NEIL1: variants seen among roughly 807,000 people sequenced by gnomAD.
NEIL1 encodes nei like DNA glycosylase 1, also known as endonuclease 8-like 1.
NEIL1 carries 31 observed loss-of-function variants against 44.2 expected under a neutral mutation model. That is an observed-to-expected ratio of 0.70 (90% CI 0.53 to 0.95). The LOEUF (loss-of-function observed/expected upper bound fraction) is 0.95. Ranked by LOEUF, NEIL1 falls within the 40% of genes least tolerant of loss-of-function variation. The pLI, the probability that NEIL1 is intolerant of heterozygous loss-of-function variation, is 0.00. For synonymous variants in NEIL1, 254 were observed against 209.7 expected, an observed-to-expected ratio of 1.21 and a Z score of -1.83; for missense variants, 549 against 515.5, an observed-to-expected ratio of 1.07 and a Z score of -0.63.
chr15:75,356,690 G>A lies in NEIL1; in HGVS notation c.*1656G>A, dbSNP rs1317642690. On this transcript the variant is annotated 3_prime_UTR_variant, in exon 10 of 10. Coordinates refer to ENST00000355059, the MANE Select transcript of NEIL1 (RefSeq NM_024608.4). The surrounding 1 kb of genome is among the most constrained non-coding windows in gnomAD (Gnocchi z 5.8). The stretch of plus-strand genomic sequence containing the variant: ...GGGGCTTTAGGCGCCCGCAAGCTGG[G>A]GTGAGGAGGGCGCGTAGGGGCCACG... The A allele has an allele frequency of 6.2e-7, 1 of 1,601,758 alleles. No homozygotes were observed.
chr15:75,349,304 C>T lies in NEIL1; in HGVS notation c.399C>T (p.Arg133=), dbSNP rs1305819493. Residue 133 remains arginine (R), a synonymous_variant, in exon 2 of 10, where the codon CGC becomes CGT. Transcript: ENST00000355059. ...TTGGGGGAAAGTGGCAGCCGGGCCGCGGGCCCTGTGTCTTGCAGGAGTACC... is the reference window on the plus strand; with the variant it reads ...TTGGGGGAAAGTGGCAGCCGGGCCGTGGGCCCTGTGTCTTGCAGGAGTACC... ...WDLGGKWQPG[R]GPCVLQEYQQ... is the part of the protein sequence containing the mutation. 1.9e-6 allele frequency: 3 copies of T among 1,610,546 alleles called. No homozygotes were observed. The highest frequency in any genetic ancestry group is 1.7e-6 in the Non-Finnish European group (2 of 1,179,026).
In NEIL1 at chr15:75,356,243, G is replaced by A; in HGVS notation, c.*1209G>A. 6.2e-7 allele frequency: 1 copy of A among 1,612,328 alleles called. No homozygotes were observed. Among genetic ancestry groups the A allele is most frequent in the Non-Finnish European group, 8.5e-7 (1 of 1,179,434 alleles). ...GCCTGCAGAGGAACACGTCTGGTGGGAGGGGCCGAGGGCAGGCCCAGTTCG... is the reference window on the plus strand; with the variant it reads ...GCCTGCAGAGGAACACGTCTGGTGGAAGGGGCCGAGGGCAGGCCCAGTTCG... On this transcript the variant is annotated 3_prime_UTR_variant, in exon 10 of 10. Transcript: ENST00000355059. This position sits in a 1 kb window ranked among gnomAD's most constrained non-coding sequence, Gnocchi z 5.8.
In NEIL1 at chr15:75,356,941, C is replaced by G; in HGVS notation, c.*1907C>G. 1 of 1,554,726 alleles carries G rather than the reference C, an allele frequency of 6.4e-7. No homozygotes were observed. The highest frequency in any genetic ancestry group is 8.9e-7 in the Non-Finnish European group (1 of 1,127,428). ...CCAAGACCCACTTGGTGGCCCTGTG[C>G]CCCTCTTTGTGCTCCCAGACTCCAG... is the stretch of plus-strand genomic sequence containing the variant. On this transcript the variant is annotated 3_prime_UTR_variant, in exon 10 of 10. Coordinates refer to ENST00000355059, the MANE Select transcript of NEIL1 (RefSeq NM_024608.4). The surrounding 1 kb of genome is among the most constrained non-coding windows in gnomAD (Gnocchi z 5.8).
rs775771515 is a variant in NEIL1 at position 75,356,842 on chromosome 15, C to T, written c.*1808C>T. On this transcript the variant is annotated 3_prime_UTR_variant, in exon 10 of 10. Coordinates refer to ENST00000355059, the MANE Select transcript of NEIL1 (RefSeq NM_024608.4). The surrounding 1 kb of genome is among the most constrained non-coding windows in gnomAD (Gnocchi z 5.8). ...CGCACTGACGCGCCATACTTGCAGT[C>T]GTTGAGCAGGGCCAGCCCAAAGCCG... The T allele has an allele frequency of 1.5e-5, 25 of 1,614,004 alleles. No homozygotes were observed. The highest frequency in any genetic ancestry group is 1.3e-4 in the Admixed American group (8 of 60,010).
intron 5 of NEIL1, 148 bp from the exon 6 acceptor site, chr15:75,353,591 A>G: frequency 1.2e-6 from 1 of 863,234 alleles, no homozygotes; most frequent in Non-Finnish European, 2.0e-6. Flanking sequence ...AAACCAGCTG[A>G]GGTCACATCA....
rs370282759 is a variant in NEIL1 at position 75,353,878 on chromosome 15, C to G, written c.846+12C>G. ...CCATCTGGTTCCAGGTTGGGCCCTACTGTTCACACAGGCAGAGACCCCAGG... is the reference window on the plus strand; with the variant it reads ...CCATCTGGTTCCAGGTTGGGCCCTAGTGTTCACACAGGCAGAGACCCCAGG... On this transcript the variant is annotated intron_variant, in intron 6 of 9. Coordinates refer to ENST00000355059, the MANE Select transcript of NEIL1 (RefSeq NM_024608.4). 1.8e-4 allele frequency: 290 copies of G among 1,612,172 alleles called. No individual in the cohort carries two copies. Among genetic ancestry groups the G allele is most frequent in the Middle Eastern group, 8.5e-4 (4 of 4,716 alleles).
chr15:75,348,319 G>T (rs946931965), intron 1 of NEIL1: 1 of 985,894 alleles, frequency 1.0e-6, no homozygotes, highest in African/African-American at 1.7e-5. Context: ...GCCGAGCTTC[G>T]CTCTTTCCCT....
chr15:75,354,881 G>C (rs1408510112), intron 9 of NEIL1, 63 bp downstream of exon 9: 2 of 1,612,534 alleles, frequency 1.2e-6, no homozygotes, highest in Admixed American at 1.7e-5. Flanking sequence ...GGTGGCCTAG[G>C]AGCGCGTGTA....
chr15:75,356,195 AGCGGCGCTGGGGGCT>A lies in NEIL1; in HGVS notation c.*1164_*1178del, dbSNP rs768336670. 6.2e-7 allele frequency: 1 copy of A among 1,613,382 alleles called. No homozygotes were observed. The highest frequency in any genetic ancestry group is 2.2e-5 in the East Asian group (1 of 44,876). On this transcript the variant is annotated 3_prime_UTR_variant, in exon 10 of 10. Coordinates refer to ENST00000355059, the MANE Select transcript of NEIL1 (RefSeq NM_024608.4). This position sits in a 1 kb window ranked among gnomAD's most constrained non-coding sequence, Gnocchi z 5.8. ...GCCTCATACAGCCTCAGGACCAGCGAGCGGCGCTGGGGGCTGCTCTCCGCCTGCAGAGGAACACGT... is the reference window on the plus strand; with the variant it reads ...GCCTCATACAGCCTCAGGACCAGCGAGCTCTCCGCCTGCAGAGGAACACGT...
chr15:75,355,871 G>C lies in NEIL1; in HGVS notation c.*837G>C, dbSNP rs1128989. The C allele has an allele frequency of 6.2e-7, 1 of 1,612,990 alleles. No individual in the cohort carries two copies. The highest frequency in any genetic ancestry group is 1.3e-5 in the African/African-American group (1 of 74,750). On this transcript the variant is annotated 3_prime_UTR_variant, in exon 10 of 10. Transcript: ENST00000355059. ...GGGAAGCAGAAATTAGGAGTCCCCAGAGCCTTCTACAAACAAAACCCCAGC... is the reference window on the plus strand; with the variant it reads ...GGGAAGCAGAAATTAGGAGTCCCCACAGCCTTCTACAAACAAAACCCCAGC...
rs191200166 is a variant in NEIL1, at chr15:75,352,788, G to A, written c.718+87G>A. 99 of 1,087,018 alleles carry A rather than the reference G, an allele frequency of 9.1e-5. No homozygotes were observed. The African/African-American group carries it at 1.2e-3, about 13-fold the overall frequency. 67.3% of individuals were successfully genotyped at this position (1,087,018 alleles called of 1,614,324 possible). On this transcript the variant is annotated intron_variant, in intron 5 of 9. Transcript: ENST00000355059. ...TGTCCCTCTCTGGACCTGATTCACC[G>A]ATTTGGAAGTTTGTAGCCCTAGCTG...
At chr15:75,353,661 G>C in intron 5 of NEIL1, 78 bp from the exon 6 acceptor site, 1 of 1,497,052 alleles carries the variant, frequency 6.7e-7, no homozygotes, top group East Asian at 2.3e-5. Context: ...CTGAGGTCTG[G>C]GCCAGGTCTA....
At chr15:75,349,520 A>G (rs923239681) in intron 2 of NEIL1, 181 bp downstream of exon 2, 2 of 635,676 alleles carry the variant, frequency 3.1e-6, no homozygotes, top group African/African-American at 1.8e-5. Context: ...ATGGAAACTC[A>G]AAACTAATTG....
At position 75,354,293 on chromosome 15, in the gene NEIL1, T is replaced by C. The variant is rs750777842; in HGVS notation, c.874+16T>C. On this transcript the variant is annotated intron_variant, in intron 7 of 9. Transcript: ENST00000355059. Reference sequence around the variant, plus strand: ...GCACCCAAAGGTAAGCTACTCCTAATGTAATAGGCTAAGAGAGCAGAAAGG... The same window carrying C: ...GCACCCAAAGGTAAGCTACTCCTAACGTAATAGGCTAAGAGAGCAGAAAGG... The C allele has an allele frequency of 1.9e-6, 3 of 1,613,950 alleles. No individual in the cohort carries two copies. The highest frequency in any genetic ancestry group is 2.2e-5 in the East Asian group (1 of 44,896).
In NEIL1 at chr15:75,352,601, G is replaced by A; in HGVS notation, c.619-1G>A. 6.2e-7 allele frequency: 1 copy of A among 1,612,620 alleles called. No homozygotes were observed. Among genetic ancestry groups the A allele is most frequent in the Non-Finnish European group, 8.5e-7 (1 of 1,179,392 alleles). On this transcript the variant is annotated splice_acceptor_variant, in intron 4 of 9. Transcript: ENST00000355059. LOFTEE classifies it high-confidence loss of function. ...AGGTCCTGCCCCTGCCCCTTCCTCA[G>A]AGCCCGGAGCTGACCCTGAGCCAGA...
At position 75,352,223 on chromosome 15, in the gene NEIL1, C is replaced by G; in HGVS notation, c.547C>G (p.Leu183Val). The change falls in exon 3 of 10, where the codon CTG becomes GTG. Residue 183 changes from leucine to valine, a missense_variant. Coordinates refer to ENST00000355059, the MANE Select transcript of NEIL1 (RefSeq NM_024608.4). ...GIGNYLRAEI[L>V]YRLKIPPFEK... ...TGGCAACTATCTGCGGGCAGAGATC[C>G]TGTACCGGTCAGCAAGCAGGCATGG... The G allele has an allele frequency of 6.2e-7, 1 of 1,614,256 alleles. No individual in the cohort carries two copies. The highest frequency in any genetic ancestry group is 1.1e-5 in the South Asian group (1 of 91,088).
Position 75,353,877 on chromosome 15 carries a change from A to T in NEIL1, c.846+11A>T. The T allele has an allele frequency of 6.2e-7, 1 of 1,612,130 alleles. No homozygotes were observed. The highest frequency in any genetic ancestry group is 8.5e-7 in the Non-Finnish European group (1 of 1,179,894). On this transcript the variant is annotated intron_variant, in intron 6 of 9. Coordinates refer to ENST00000355059, the MANE Select transcript of NEIL1 (RefSeq NM_024608.4). ...ACCATCTGGTTCCAGGTTGGGCCCT[A>T]CTGTTCACACAGGCAGAGACCCCAG...
rs763340460 is a variant in NEIL1 at position 75,354,742 on chromosome 15, G to T, written c.1026G>T (p.Gly342=). 34 of 1,614,000 alleles carry T rather than the reference G, an allele frequency of 2.1e-5. No homozygotes were observed. The Admixed American group carries it at 5.7e-4, about 27-fold the overall frequency. ...PKRTATQRPE[G]TSLQQDPEAP... Reference sequence around the variant, plus strand: ...GGACTGCAACCCAGCGGCCTGAGGGGACCAGCCTCCAGCAGGACCCAGAAG... The same window carrying T: ...GGACTGCAACCCAGCGGCCTGAGGGTACCAGCCTCCAGCAGGACCCAGAAG... The change falls in exon 9 of 10, where the codon GGG becomes GGT. Residue 342 remains glycine (G), a synonymous_variant. Coordinates refer to ENST00000355059, the MANE Select transcript of NEIL1 (RefSeq NM_024608.4).
At position 75,352,323 on chromosome 15, in the gene NEIL1, G is replaced by A. The variant is rs2071975677; in HGVS notation, c.555-1G>A. On this transcript the variant is annotated splice_acceptor_variant, in intron 3 of 9. Transcript: ENST00000355059. LOFTEE classifies it high-confidence loss of function. ...CATGGCTTGCCTTGCCCCCACTACA[G>A]GCTGAAGATCCCCCCCTTTGAGAAG... The A allele has an allele frequency of 1.9e-6, 3 of 1,614,186 alleles. No individual in the cohort carries two copies. Among genetic ancestry groups the A allele is most frequent in the East Asian group, 2.2e-5 (1 of 44,886 alleles).
Sources: allele counts gnomAD v4.1 joint callset, GRCh38; gene constraint gnomAD v4.1.1; non-coding constraint Gnocchi (gnomAD v3.1); transcripts MANE v1.5; gene names NCBI Gene and HGNC (gene_info 2026-07-23, HGNC 2026-07-21).